The following WNT2B variants were observed in gnomAD, a reference collection of about 807,000 sequenced individuals.
WNT2B encodes protein Wnt-2b.
In WNT2B, 19 loss-of-function variants were observed where a neutral mutation model predicts 40.5. That is an observed-to-expected ratio of 0.47 (90% CI 0.33 to 0.69). The LOEUF (loss-of-function observed/expected upper bound fraction) is 0.69, where lower values mean the gene tolerates loss of function less well. WNT2B is among the 30% of genes least tolerant of loss of function. WNT2B has a pLI of 0.02. For synonymous variants in WNT2B, 220 were observed against 211.9 expected (o/e 1.04, Z -0.33); for missense variants, 467 against 556.4 (o/e 0.84, Z 1.62).
At position 112,477,727 on chromosome 1, in the gene WNT2B, A is replaced by G. The variant is rs1288774471; in HGVS notation, c.-95+10136A>G. Among the ~76,000 whole-genome samples, 3 of 152,234 alleles carry G rather than the reference A, an allele frequency of 2.0e-5. No homozygotes were observed. The East Asian group carries it at 5.8e-4, about 29-fold the overall frequency. ...ACAAATTATGGAGTTGAAGAATACA[A>G]TGAATGAAATTGAAAATACAATAGA... On this transcript the variant is annotated intron_variant, in intron 1 of 4. Transcript: ENST00000256640.
At chr1:112,511,796 T>A (rs1440786211) in intron 1 of WNT2B, among the ~76,000 whole-genome samples, 1 of 152,228 alleles carries the variant, frequency 6.6e-6, no homozygotes, top group Non-Finnish European at 1.5e-5. Context: ...CAAAGTGGTA[T>A]CATATTGTTA....
chr1:112,471,653 A>G (rs1386741443), intron 1 of WNT2B, among the ~76,000 whole-genome samples: 1 of 152,156 alleles, frequency 6.6e-6, no homozygotes, highest in African/African-American at 2.4e-5. Flanking sequence ...CCATCAATCC[A>G]TGTGCTGCCT....
At chr1:112,490,780 C>T (rs557255484) in intron 1 of WNT2B, among the ~76,000 whole-genome samples, 2 of 152,190 alleles carry the variant, frequency 1.3e-5, no homozygotes, top group Admixed American at 6.5e-5. Context: ...TGAGCCCCCG[C>T]GCCCGGCCAA....
chr1:112,508,228 A>T (rs1197355062), upstream of WNT2B, among the ~76,000 whole-genome samples: 1 of 151,234 alleles, frequency 6.6e-6, no homozygotes, highest in Admixed American at 6.6e-5. The surrounding 1 kb of genome is among the most constrained non-coding windows in gnomAD (Gnocchi z 4.2). Context: ...ACAGAGGGGG[A>T]GCGGGGAGAG....
chr1:112,490,521 G>T (rs953241898), intron 1 of WNT2B, among the ~76,000 whole-genome samples: 1 of 145,774 alleles, frequency 6.9e-6, no homozygotes, highest in Non-Finnish European at 1.5e-5. Flanking sequence ...ACGGAGTCTC[G>T]CTCTGTCTCC....
intron 1 of WNT2B, among the ~76,000 whole-genome samples, chr1:112,499,074 C>T (rs1282247095): frequency 1.3e-5 from 2 of 151,996 alleles, no homozygotes; most frequent in East Asian, 1.9e-4. Context: ...GTCGTGGTGG[C>T]GTGCGCCTGT....
intron 1 of WNT2B, among the ~76,000 whole-genome samples, chr1:112,514,533 T>C (rs540938137): frequency 1.3e-5 from 2 of 152,320 alleles, no homozygotes; most frequent in South Asian, 4.1e-4. Context: ...TCTTAATGTT[T>C]ATTAAATAAA....
At chr1:112,490,766 G>A (rs1440357065) in intron 1 of WNT2B, among the ~76,000 whole-genome samples, 1 of 152,132 alleles carries the variant, frequency 6.6e-6, no homozygotes, top group Non-Finnish European at 1.5e-5. Flanking sequence ...TGGGATTACA[G>A]GCGTGAGCCC....
At chr1:112,483,215 C>T (rs1049747893) in intron 1 of WNT2B, among the ~76,000 whole-genome samples, 1 of 64,162 alleles carries the variant, frequency 1.6e-5, no homozygotes, top group Non-Finnish European at 2.7e-5. Context: ...CACACACACA[C>T]ACACACATAT....
rs960235124 is a variant in WNT2B, at chr1:112,522,694, T to C, written c.*2185T>C. ...ACCTGTGTGGGAGAGTTTAGGGTGG[T>C]TTTTCTTTTGGTGAGGGGATTTGCT... On this transcript the variant is annotated 3_prime_UTR_variant, in exon 5 of 5. Coordinates refer to ENST00000369684, the MANE Select transcript of WNT2B (RefSeq NM_024494.3). 6.6e-6 allele frequency: 1 copy of C among 152,210 alleles called. No individual in the cohort carries two copies. The highest frequency in any genetic ancestry group is 6.6e-5 in the Admixed American group (1 of 15,252). 9.4% of individuals were successfully genotyped at this position (152,210 alleles called of 1,614,324 possible).
chr1:112,481,933 G>A (rs557698744), intron 1 of WNT2B, among the ~76,000 whole-genome samples: 4 of 152,010 alleles, frequency 2.6e-5, no homozygotes, highest in Non-Finnish European at 5.9e-5. Flanking sequence ...GATCACTTGA[G>A]GTCAGGAGTT....
intron 1 of WNT2B, among the ~76,000 whole-genome samples, chr1:112,484,222 T>TATATATACAC (rs1553230256): frequency 0.064 from 7,916 of 123,292 alleles, 408 homozygotes; most frequent in African/African-American, 0.13. Flanking sequence ...TATATACACA[T>TATATATACAC]ATATATATAC....
At position 112,525,500 on chromosome 1, in the gene WNT2B, A is replaced by G. The variant is rs1382413834; in HGVS notation, c.*4991A>G. The stretch of plus-strand genomic sequence containing the variant: ...TTTTCCCACTTCCCACTCATGGCTT[A>G]TATTATCTCTGAGCATCTCGGTGGC... On this transcript the variant is annotated 3_prime_UTR_variant, in exon 5 of 5. Transcript: ENST00000369684. 1 of 153,250 alleles carries G rather than the reference A, an allele frequency of 6.5e-6. No individual in the cohort carries two copies. The highest frequency in any genetic ancestry group is 1.5e-5 in the Non-Finnish European group (1 of 68,780). 9.5% of individuals were successfully genotyped at this position (153,250 alleles called of 1,614,324 possible).
intron 1 of WNT2B, among the ~76,000 whole-genome samples, chr1:112,497,083 C>A (rs1432633264): frequency 6.6e-6 from 1 of 152,240 alleles, no homozygotes; most frequent in Non-Finnish European, 1.5e-5. Context: ...CCCTGAGCAG[C>A]CCCACTCCCA....
At chr1:112,510,516 C>G (rs886323181) in intron 1 of WNT2B, among the ~76,000 whole-genome samples, 3 of 152,134 alleles carry the variant, frequency 2.0e-5, no homozygotes, top group Non-Finnish European at 4.4e-5. Context: ...GAAATGTGGT[C>G]TCTTCTCTCC....
intron 1 of WNT2B, among the ~76,000 whole-genome samples, chr1:112,476,248 A>G (rs1239199114): frequency 6.6e-6 from 1 of 152,234 alleles, no homozygotes; most frequent in African/African-American, 2.4e-5. Context: ...AACTGAATGA[A>G]AAGGAAGATG....
chr1:112,470,359 C>A (rs1177289567), intron 1 of WNT2B, among the ~76,000 whole-genome samples: 1 of 152,088 alleles, frequency 6.6e-6, no homozygotes, highest in South Asian at 2.1e-4. Flanking sequence ...GAGGCTGAGG[C>A]GGGTGGATCA....
chr1:112,479,314 C>T (rs1278574061), intron 1 of WNT2B, among the ~76,000 whole-genome samples: 2 of 151,974 alleles, frequency 1.3e-5, no homozygotes, highest in African/African-American at 2.4e-5. Flanking sequence ...GGGCTCATGC[C>T]TATAATCTCA....
At chr1:112,469,475 C>T (rs924449268) in intron 1 of WNT2B, among the ~76,000 whole-genome samples, 2 of 152,114 alleles carry the variant, frequency 1.3e-5, no homozygotes, top group Non-Finnish European at 2.9e-5. Context: ...CATGGAATGC[C>T]TTTCCATTTG....
Sources: gnomAD v4.1 joint callset for allele counts (sites outside exome capture counted in the v4.1 genomes callset) on GRCh38, gnomAD v4.1.1 for gene constraint, Gnocchi (gnomAD v3.1) non-coding constraint, MANE v1.5 for transcripts, NCBI Gene and HGNC (gene_info 2026-07-23, HGNC 2026-07-21) for gene names.